Variants in GPC3 observed in about 807,000 individuals in gnomAD.
GPC3 encodes the protein glypican 3.
In GPC3, 3 loss-of-function variants were observed where a neutral mutation model predicts 34.4. The observed-to-expected ratio is 0.09, with a 90% CI of 0.04 to 0.23. GPC3 has a LOEUF of 0.23. Ranked by LOEUF, GPC3 falls within the 10% of genes least tolerant of loss-of-function variation. The pLI is 1.00. For missense variants in GPC3, 351 were observed against 445.6 expected (o/e 0.79, Z 1.91); for synonymous variants, 177 against 174.0 (o/e 1.02, Z -0.13).
chrX:133,825,238 T>A (rs1007763101), intron 2 of GPC3, among the ~76,000 whole-genome samples: 6 of 111,991 alleles, frequency 5.4e-5, no homozygotes, highest in Non-Finnish European at 9.4e-5. Context: ...AATCGCTGAA[T>A]CTTTGTAAGA....
chrX:133,976,874 T>G (rs761660931), intron 1 of GPC3, among the ~76,000 whole-genome samples: 22 of 109,078 alleles, frequency 2.0e-4, no homozygotes, highest in African/African-American at 7.4e-4. Context: ...GCCGAGATTG[T>G]GCCACCACAC....
At chrX:133,829,822 A>T (rs1293917214) in intron 2 of GPC3, among the ~76,000 whole-genome samples, 2 of 112,123 alleles carry the variant, frequency 1.8e-5, no homozygotes, top group Admixed American at 9.5e-5. Flanking sequence ...GACATTACAT[A>T]ATGATAAAAG....
At chrX:133,791,860 CCTCT>C (rs869163146) in intron 2 of GPC3, among the ~76,000 whole-genome samples, 6 of 95,648 alleles carry the variant, frequency 6.3e-5, no homozygotes, top group African/African-American at 1.6e-4. Flanking sequence ...TCCCTCCCTC[CCTCT>C]CTCTCTTTCT....
At chrX:133,801,802 C>G (rs1424761792) in intron 2 of GPC3, among the ~76,000 whole-genome samples, 5 of 112,334 alleles carry the variant, frequency 4.5e-5, no homozygotes, top group Admixed American at 1.9e-4. Flanking sequence ...AAATGAACTT[C>G]ACTAATAGGT....
chrX:133,554,960 A>G (rs769649552), intron 7 of GPC3, among the ~76,000 whole-genome samples: 86 of 112,575 alleles, frequency 7.6e-4, no homozygotes, highest in African/African-American at 2.6e-3. Context: ...TTTGTTTCTA[A>G]CACAGCCTTG....
At chrX:133,632,991 G>A (rs979080325) in intron 6 of GPC3, among the ~76,000 whole-genome samples, 1 of 110,575 alleles carries the variant, frequency 9.0e-6, no homozygotes, top group Non-Finnish European at 1.9e-5. Flanking sequence ...GATTTATGAG[G>A]CCAAACAGAT....
chrX:133,952,839 G>C (rs1228888682), intron 2 of GPC3, among the ~76,000 whole-genome samples: 1 of 112,662 alleles, frequency 8.9e-6, no homozygotes, highest in Non-Finnish European at 1.9e-5. Flanking sequence ...CTTGGACAAT[G>C]ATTTTTTGAC....
At chrX:133,835,379 T>C (rs2075794732) in intron 2 of GPC3, among the ~76,000 whole-genome samples, 1 of 112,170 alleles carries the variant, frequency 8.9e-6, no homozygotes, top group Non-Finnish European at 1.9e-5. Context: ...GTGCCAATAA[T>C]ATAGCATCTC....
intron 3 of GPC3, among the ~76,000 whole-genome samples, chrX:133,747,672 C>G (rs1018259800): frequency 2.7e-5 from 3 of 111,785 alleles, no homozygotes; most frequent in African/African-American, 9.8e-5. Context: ...CTGCCACCTA[C>G]TAGCCAAGTG....
chrX:133,891,157 T>C (rs1425885431), intron 2 of GPC3, among the ~76,000 whole-genome samples: 1 of 111,966 alleles, frequency 8.9e-6, no homozygotes, highest in East Asian at 2.8e-4. Context: ...GAAAACATTA[T>C]GCTAAGTAAA....
At chrX:133,722,761 C>T (rs1376149456) in intron 3 of GPC3, among the ~76,000 whole-genome samples, 1 of 111,379 alleles carries the variant, frequency 9.0e-6, no homozygotes, top group Non-Finnish European at 1.9e-5. Context: ...TGTAAGCAGA[C>T]CTCTGCTGAT....
intron 4 of GPC3, among the ~76,000 whole-genome samples, chrX:133,697,287 G>A (rs905713322): frequency 3.6e-5 from 4 of 111,777 alleles, no homozygotes; most frequent in Admixed American, 1.9e-4. Context: ...CTAAAATAAC[G>A]AAAATTGGAA....
intron 1 of GPC3, among the ~76,000 whole-genome samples, chrX:133,960,844 C>T (rs183805385): frequency 2.7e-5 from 3 of 110,660 alleles, no homozygotes; most frequent in African/African-American, 9.8e-5. Context: ...TAAAATCATC[C>T]AAAGGATTAA....
chrX:133,834,470 A>T (rs899493147), intron 2 of GPC3, among the ~76,000 whole-genome samples: 1 of 111,871 alleles, frequency 8.9e-6, no homozygotes, highest in Non-Finnish European at 1.9e-5. Flanking sequence ...AAGTGTATGG[A>T]TAAACCTAGA....
At position 133,924,484 on chromosome X, in the gene GPC3, C is replaced by T. The variant is rs751269049; in HGVS notation, c.337+28566G>A. 1.9e-4 allele frequency among the ~76,000 whole-genome samples: 21 copies of T among 112,009 alleles called. 1 individual carries two copies. Among genetic ancestry groups the T allele is most frequent in the Non-Finnish European group, 1.1e-4 (6 of 53,265 alleles). ...ATTCTGGAAGTGCTAATTACCTCCACGGATGCTATACAAGCAGCTAAAAAG... is the reference window on the plus strand; with the variant it reads ...ATTCTGGAAGTGCTAATTACCTCCATGGATGCTATACAAGCAGCTAAAAAG... On this transcript the variant is annotated intron_variant, in intron 2 of 7. Coordinates refer to ENST00000370818, the MANE Select transcript of GPC3 (RefSeq NM_004484.4).
chrX:133,828,449 T>C (rs2075759958), intron 2 of GPC3, among the ~76,000 whole-genome samples: 1 of 112,471 alleles, frequency 8.9e-6, no homozygotes, highest in Admixed American at 9.4e-5. Flanking sequence ...TGAGCCACTG[T>C]GCCTGGCCTG....
At chrX:133,931,319 G>A (rs192789595) in intron 2 of GPC3, among the ~76,000 whole-genome samples, 1 of 111,774 alleles carries the variant, frequency 8.9e-6, no homozygotes, top group East Asian at 2.8e-4. Context: ...GTGTCCTGGA[G>A]AACGTGGTAC....
intron 5 of GPC3, among the ~76,000 whole-genome samples, chrX:133,685,837 C>T (rs1452408236): frequency 1.8e-5 from 2 of 108,255 alleles, no homozygotes; most frequent in African/African-American, 3.4e-5. Context: ...AAATAGTCCT[C>T]CTGCCTTAGC....
At chrX:133,801,492 A>C (rs2075609282) in intron 2 of GPC3, among the ~76,000 whole-genome samples, 1 of 111,772 alleles carries the variant, frequency 8.9e-6, no homozygotes, top group African/African-American at 3.3e-5. Context: ...AGTCGAACGC[A>C]TTTTATAAAA....
Sources: allele counts gnomAD v4.1 joint callset (sites outside exome capture counted in the v4.1 genomes callset), GRCh38; gene constraint gnomAD v4.1.1; transcripts MANE v1.5; gene names NCBI Gene and HGNC (gene_info 2026-07-23, HGNC 2026-07-21).